Variants in HNRNPC observed in about 807,000 individuals in gnomAD.
The protein encoded by HNRNPC is heterogeneous nuclear ribonucleoprotein C.
A neutral mutation model predicts 33.2 loss-of-function variants in HNRNPC; 3 were observed. The observed-to-expected ratio is 0.09, with a 90% confidence interval of 0.04 to 0.23. The LOEUF (loss-of-function observed/expected upper bound fraction) is 0.23. Among genes scored for constraint, HNRNPC ranks in the 10% least tolerant of loss-of-function variants. The pLI is 1.00. For missense variants in HNRNPC, 143 were observed against 366.7 expected (o/e 0.39, Z 4.98); for synonymous variants, 121 against 126.7 (o/e 0.96, Z 0.30).
chr14:21,248,691 T>C (rs1003466583), intron 2 of HNRNPC, among the ~76,000 whole-genome samples: 2 of 152,228 alleles, frequency 1.3e-5, no homozygotes, highest in Non-Finnish European at 2.9e-5. Flanking sequence ...CCAAGTACCA[T>C]GTTCCACCTA....
In HNRNPC at chr14:21,211,183, A is replaced by G; in HGVS notation, c.*40T>C. The G allele has an allele frequency of 6.3e-7, 1 of 1,597,908 alleles. No homozygotes were observed. Among genetic ancestry groups the G allele is most frequent in the Non-Finnish European group, 8.6e-7 (1 of 1,167,174 alleles). ...TTGATCTTAGACAAGCGCCTAGGTA[A>G]AGAAATAATGGGATAAGATTTCTAA... On this transcript the variant is annotated 3_prime_UTR_variant, in exon 9 of 9. Coordinates refer to ENST00000553300, the MANE Select transcript of HNRNPC (RefSeq NM_004500.4).
At chr14:21,237,771 ATTTT>A (rs910725542) in intron 2 of HNRNPC, among the ~76,000 whole-genome samples, 5 of 149,758 alleles carry the variant, frequency 3.3e-5, no homozygotes, top group South Asian at 2.1e-4. Context: ...CCTTGATCAC[ATTTT>A]TTTTTTAATT....
intron 2 of HNRNPC, among the ~76,000 whole-genome samples, chr14:21,255,364 AAAG>A (rs1421112889): frequency 6.6e-6 from 1 of 152,244 alleles, no homozygotes; most frequent in African/African-American, 2.4e-5. Flanking sequence ...TAATAAAAAA[AAAG>A]TTCTCTAATT....
intron 2 of HNRNPC, among the ~76,000 whole-genome samples, chr14:21,249,186 A>C (rs1298877471): frequency 6.6e-6 from 1 of 152,148 alleles, no homozygotes; most frequent in Non-Finnish European, 1.5e-5. Context: ...ATCATGATAC[A>C]CAGATAACTG....
chr14:21,228,586 G>A (rs1004077782), intron 5 of HNRNPC, among the ~76,000 whole-genome samples: 2 of 151,992 alleles, frequency 1.3e-5, no homozygotes, highest in East Asian at 3.9e-4. Context: ...TAGAGACGGG[G>A]TTCCACCATA....
chr14:21,230,189 G>T, intron 5 of HNRNPC, 130 bp downstream of exon 5: 1 of 547,632 alleles, frequency 1.8e-6, no homozygotes, highest in Non-Finnish European at 3.3e-6. Flanking sequence ...TTAGAAAAAG[G>T]TGTTTTTTTG....
Position 21,210,335 on chromosome 14 carries a change from A to G in HNRNPC, c.*888T>C, listed in dbSNP as rs1214568995. 1 of 152,266 alleles carries G rather than the reference A, an allele frequency of 6.6e-6. No homozygotes were observed. The highest frequency in any genetic ancestry group is 6.5e-5 in the Admixed American group (1 of 15,280). 9.4% of individuals were successfully genotyped at this position (152,266 alleles called of 1,614,324 possible). On this transcript the variant is annotated 3_prime_UTR_variant, in exon 9 of 9. Coordinates refer to ENST00000553300, the MANE Select transcript of HNRNPC (RefSeq NM_004500.4). The stretch of plus-strand genomic sequence containing the variant: ...AAACTTTCATTAGGATGTAAAAGCC[A>G]TTTTGAAAAAGTCTCCACTCTATGT...
chr14:21,249,714 C>T (rs2138897470), intron 2 of HNRNPC, among the ~76,000 whole-genome samples: 1 of 151,338 alleles, frequency 6.6e-6, no homozygotes, highest in Middle Eastern at 3.4e-3. Flanking sequence ...AGAAATTTCT[C>T]TCTACATTCT....
chr14:21,238,170 G>T (rs1465562263), intron 2 of HNRNPC, among the ~76,000 whole-genome samples: 2 of 152,142 alleles, frequency 1.3e-5, no homozygotes, highest in African/African-American at 2.4e-5. Context: ...GCCTCATACA[G>T]ATCTAAATTA....
chr14:21,212,081 T>C, intron 6 of HNRNPC, 158 bp from the exon 7 acceptor site: 1 of 614,770 alleles, frequency 1.6e-6, no homozygotes, highest in East Asian at 2.8e-5. Context: ...TTGGTTCTAT[T>C]ATAAAGCACG....
chr14:21,223,580 C>T (rs572497876), intron 5 of HNRNPC, among the ~76,000 whole-genome samples: 1 of 151,970 alleles, frequency 6.6e-6, no homozygotes, highest in Non-Finnish European at 1.5e-5. Flanking sequence ...AAAACCTAAT[C>T]TCTACTAAAA....
intron 5 of HNRNPC, among the ~76,000 whole-genome samples, chr14:21,226,246 TG>T (rs1246337680): frequency 1.1e-4 from 15 of 138,956 alleles, no homozygotes; most frequent in African/African-American, 3.5e-4. Context: ...CTCGAGAACC[TG>T]GGAGGCGGAG....
chr14:21,231,308 T>C, intron 3 of HNRNPC: 1 of 620,154 alleles, frequency 1.6e-6, no homozygotes, highest in Non-Finnish European at 3.0e-6. Flanking sequence ...TAATACAAAC[T>C]ACGAAGTTTA....
chr14:21,255,216 A>G (rs1876966547), intron 2 of HNRNPC, among the ~76,000 whole-genome samples: 1 of 152,214 alleles, frequency 6.6e-6, no homozygotes, highest in African/African-American at 2.4e-5. Context: ...AAGACTAGCC[A>G]GAAAAGCCTA....
At chr14:21,215,536 G>A (rs1566595576) in intron 5 of HNRNPC, among the ~76,000 whole-genome samples, 1 of 152,178 alleles carries the variant, frequency 6.6e-6, no homozygotes, top group East Asian at 1.9e-4. Context: ...ACTTGATGGT[G>A]TTGGTATAAA....
chr14:21,248,880 T>C (rs1365473717), intron 2 of HNRNPC, among the ~76,000 whole-genome samples: 2 of 152,142 alleles, frequency 1.3e-5, no homozygotes, highest in African/African-American at 4.8e-5. Context: ...AAAGAAACAA[T>C]GGTGTGGACA....
At chr14:21,239,457 T>C (rs1183357016) in intron 2 of HNRNPC, among the ~76,000 whole-genome samples, 4 of 150,718 alleles carry the variant, frequency 2.7e-5, no homozygotes, top group Non-Finnish European at 5.9e-5. Flanking sequence ...CCAGTCTGGG[T>C]GACAGAGTGA....
In HNRNPC at chr14:21,211,168, A is replaced by G; in HGVS notation, c.*55T>C. On this transcript the variant is annotated 3_prime_UTR_variant, in exon 9 of 9. Coordinates refer to ENST00000553300, the MANE Select transcript of HNRNPC (RefSeq NM_004500.4). The stretch of plus-strand genomic sequence containing the variant: ...GATCTGGTGAAAAATTTGATCTTAG[A>G]CAAGCGCCTAGGTAAAGAAATAATG... The G allele has an allele frequency of 6.4e-7, 1 of 1,557,764 alleles. No individual in the cohort carries two copies. The highest frequency in any genetic ancestry group is 1.1e-5 in the South Asian group (1 of 88,522).
At chr14:21,253,455 C>A (rs1359595042) in intron 2 of HNRNPC, among the ~76,000 whole-genome samples, 3 of 114,556 alleles carry the variant, frequency 2.6e-5, no homozygotes, top group Admixed American at 2.0e-4. Context: ...CCTCTAGACT[C>A]CATCTCAAAA....
Sources: allele counts gnomAD v4.1 joint callset (sites outside exome capture counted in the v4.1 genomes callset), GRCh38; gene constraint gnomAD v4.1.1; transcripts MANE v1.5; gene names NCBI Gene and HGNC (gene_info 2026-07-23, HGNC 2026-07-21).